Variants in TENM2 observed in about 807,000 individuals in gnomAD.
The protein encoded by TENM2 is teneurin-2.
A neutral mutation model predicts 245.2 loss-of-function variants in TENM2; 52 were observed. That is an observed-to-expected ratio of 0.21 (90% CI 0.17 to 0.27). TENM2 has a LOEUF of 0.27. Ranked by LOEUF, TENM2 falls within the 10% of genes least tolerant of loss-of-function variation. The pLI, the probability that TENM2 is intolerant of heterozygous loss-of-function variation, is 1.00. For synonymous variants in TENM2, 1,363 were observed against 1,438.9 expected, an observed-to-expected ratio of 0.95 and a Z score of 1.19; for missense variants, 3,046 against 3,666.8, an observed-to-expected ratio of 0.83 and a Z score of 4.37.
intron 4 of TENM2, among the ~76,000 whole-genome samples, chr5:167,955,074 A>T (rs1397428122): frequency 6.6e-6 from 1 of 152,036 alleles, no homozygotes; most frequent in Non-Finnish European, 1.5e-5. Context: ...ATCAATTTAC[A>T]CTCCCACCAA....
At position 168,247,876 on chromosome 5, in the gene TENM2, A is replaced by G. The variant is rs1216537847; in HGVS notation, c.6937A>G (p.Thr2313Ala). 2 of 1,613,818 alleles carry G rather than the reference A, an allele frequency of 1.2e-6. No individual in the cohort carries two copies. Among genetic ancestry groups the G allele is most frequent in the Non-Finnish European group, 1.7e-6 (2 of 1,179,850 alleles). ...CGTAGGACGGCGGGCTTCCTACAAG[A>G]CCAACCTGGGCCACCACCTGCAGTA... is the stretch of plus-strand genomic sequence containing the variant. Residue 2313 changes from threonine to alanine, a missense_variant, in exon 27 of 29, where the codon ACC becomes GCC. Coordinates refer to ENST00000518659, the Ensembl canonical transcript of TENM2. The surrounding 1 kb of genome is among the most constrained non-coding windows in gnomAD (Gnocchi z 7.8).
chr5:167,969,414 G>A (rs1253110535), intron 4 of TENM2, among the ~76,000 whole-genome samples: 1 of 152,132 alleles, frequency 6.6e-6, no homozygotes, highest in East Asian at 1.9e-4. Context: ...TGACTGTGAG[G>A]CCTCCTCAGC....
chr5:167,558,141 T>TGTGG (rs1347442502), intron 2 of TENM2, among the ~76,000 whole-genome samples: 1 of 151,968 alleles, frequency 6.6e-6, no homozygotes. Flanking sequence ...CTGTCTGGAG[T>TGTGG]GTGGCATCAG....
At chr5:168,202,944 AG>A (rs1053914964) in intron 17 of TENM2, among the ~76,000 whole-genome samples, 4 of 152,232 alleles carry the variant, frequency 2.6e-5, no homozygotes, top group African/African-American at 9.6e-5. Flanking sequence ...TGAGAAATTG[AG>A]GCTTCACTTA....
chr5:167,045,661 C>G, the TENM2 span, among the ~76,000 whole-genome samples: 25 of 152,232 alleles, frequency 1.6e-4, no homozygotes, highest in Admixed American at 3.3e-4. Flanking sequence ...GCTAGTCTAT[C>G]ATTATCAAGC....
At chr5:167,447,100 A>G (rs1002149978) in intron 2 of TENM2, among the ~76,000 whole-genome samples, 3 of 152,222 alleles carry the variant, frequency 2.0e-5, no homozygotes, top group Admixed American at 2.0e-4. Context: ...ACTGTATAAC[A>G]AATGACTGAG....
the TENM2 span, among the ~76,000 whole-genome samples, chr5:167,070,208 C>G: frequency 6.6e-6 from 1 of 151,346 alleles, no homozygotes; most frequent in Non-Finnish European, 1.5e-5. Context: ...AGCTCCGCCT[C>G]CCGGGTTCAC....
chr5:167,253,299 T>A, the TENM2 span, among the ~76,000 whole-genome samples: 1 of 150,614 alleles, frequency 6.6e-6, no homozygotes, highest in African/African-American at 2.4e-5. Flanking sequence ...GCTTTCTTCA[T>A]GTTGCTGAAG....
chr5:167,018,960 C>G, the TENM2 span, among the ~76,000 whole-genome samples: 3 of 152,148 alleles, frequency 2.0e-5, no homozygotes, highest in Non-Finnish European at 4.4e-5. Flanking sequence ...GCCTTCTAAT[C>G]TAATGTAGCT....
intron 2 of TENM2, among the ~76,000 whole-genome samples, chr5:167,576,377 A>C (rs563526312): frequency 2.0e-5 from 3 of 152,046 alleles, no homozygotes; most frequent in Admixed American, 2.0e-4. Flanking sequence ...TAGACTTATA[A>C]AAGCCAAGAA....
At chr5:168,251,507 G>A (rs1273974204) in intron 27 of TENM2, among the ~76,000 whole-genome samples, 2 of 152,202 alleles carry the variant, frequency 1.3e-5, no homozygotes, top group Non-Finnish European at 2.9e-5. Context: ...GGAGCCAAGG[G>A]AGAGAAGGAG....
chr5:167,687,362 T>A (rs1196686924), intron 2 of TENM2, among the ~76,000 whole-genome samples: 2 of 152,204 alleles, frequency 1.3e-5, no homozygotes, highest in Non-Finnish European at 2.9e-5. Flanking sequence ...ATGGAGACCC[T>A]TATTTTCTGA....
intron 1 of TENM2, among the ~76,000 whole-genome samples, chr5:167,345,365 A>G (rs1758392316): frequency 6.6e-6 from 1 of 152,342 alleles, no homozygotes; most frequent in Admixed American, 6.5e-5. Context: ...TGGGGACACA[A>G]ATGTTCTCAA....
At chr5:167,255,693 G>A in the TENM2 span, among the ~76,000 whole-genome samples, 1 of 152,096 alleles carries the variant, frequency 6.6e-6, no homozygotes. Flanking sequence ...CAGGTTGTGA[G>A]AGAATTAAAA....
intron 2 of TENM2, among the ~76,000 whole-genome samples, chr5:167,603,322 A>G (rs558815854): frequency 1.3e-5 from 2 of 152,286 alleles, no homozygotes; most frequent in African/African-American, 4.8e-5. Flanking sequence ...GTTGGCTTCC[A>G]GATATCACAG....
the TENM2 span, among the ~76,000 whole-genome samples, chr5:167,168,831 C>T: frequency 1.3e-5 from 2 of 152,188 alleles, no homozygotes; most frequent in Non-Finnish European, 2.9e-5. Flanking sequence ...ACCGTCTTGG[C>T]TCACTGCAAC....
At chr5:167,853,781 A>G (rs1770821786) in intron 2 of TENM2, among the ~76,000 whole-genome samples, 1 of 152,172 alleles carries the variant, frequency 6.6e-6, no homozygotes, top group South Asian at 2.1e-4. Context: ...ATTCATGGAC[A>G]TTTCCCATGT....
intron 4 of TENM2, among the ~76,000 whole-genome samples, chr5:167,973,149 C>T (rs116452202): frequency 0.021 from 3,224 of 152,226 alleles, 89 homozygotes; most frequent in African/African-American, 0.066. Context: ...CCTAGTAAGG[C>T]GGTATGATTG....
intron 2 of TENM2, among the ~76,000 whole-genome samples, chr5:167,546,316 C>A (rs2127613407): frequency 6.6e-6 from 1 of 152,270 alleles, no homozygotes; most frequent in South Asian, 2.1e-4. Flanking sequence ...AAGCAAATGC[C>A]TGACTTTCAA....
Sources: allele counts gnomAD v4.1 joint callset (sites outside exome capture counted in the v4.1 genomes callset), GRCh38; gene constraint gnomAD v4.1.1; non-coding constraint Gnocchi (gnomAD v3.1); transcripts MANE v1.5; gene names NCBI Gene and HGNC (gene_info 2026-07-23, HGNC 2026-07-21).